KIF6: variants seen among roughly 807,000 people sequenced by gnomAD.
KIF6 encodes the protein kinesin-like protein KIF6.
A neutral mutation model predicts 112.7 loss-of-function variants in KIF6; 106 were observed. That is an observed-to-expected ratio of 0.94 (90% CI 0.80 to 1.11). KIF6 has a LOEUF of 1.11. Among genes scored for constraint, KIF6 ranks in the 50% least tolerant of loss-of-function variants. The pLI, the probability that KIF6 is intolerant of heterozygous loss-of-function variation, is 0.00. For synonymous variants in KIF6, 339 were observed against 339.9 expected, an observed-to-expected ratio of 1.00 and a Z score of 0.03; for missense variants, 929 against 964.0, an observed-to-expected ratio of 0.96 and a Z score of 0.48.
intron 3 of KIF6, 26 bp from the exon 4 acceptor site, chr6:39,639,783 C>T (rs1333103587): frequency 6.3e-7 from 1 of 1,598,182 alleles, no homozygotes; most frequent in Non-Finnish European, 8.5e-7. Flanking sequence ...GACACACTTT[C>T]AATATCAACA....
intron 3 of KIF6, among the ~76,000 whole-genome samples, chr6:39,641,033 A>G (rs1784872457): frequency 6.6e-6 from 1 of 152,114 alleles, no homozygotes; most frequent in South Asian, 2.1e-4. Context: ...TATACTGTTG[A>G]AATTCTCAAT....
At chr6:39,344,643 A>C (rs1763572298) in intron 21 of KIF6, among the ~76,000 whole-genome samples, 1 of 150,160 alleles carries the variant, frequency 6.7e-6, no homozygotes, top group African/African-American at 2.5e-5. Context: ...TACCACCACC[A>C]CTCTTGTCCT....
At chr6:39,417,510 A>G (rs1392482304) in intron 15 of KIF6, among the ~76,000 whole-genome samples, 1 of 152,178 alleles carries the variant, frequency 6.6e-6, no homozygotes, top group Non-Finnish European at 1.5e-5. Flanking sequence ...ATCTTCTCCT[A>G]GCATATCTGG....
intron 15 of KIF6, among the ~76,000 whole-genome samples, chr6:39,399,715 T>C (rs1187752408): frequency 6.6e-6 from 1 of 152,232 alleles, no homozygotes; most frequent in Admixed American, 6.5e-5. Flanking sequence ...CCTGAGGGTG[T>C]GTGGAAGCCT....
intron 14 of KIF6, among the ~76,000 whole-genome samples, chr6:39,426,323 C>T (rs1395360668): frequency 6.6e-6 from 1 of 152,208 alleles, no homozygotes; most frequent in African/African-American, 2.4e-5. Flanking sequence ...ATTCATGTGC[C>T]AACATCTTAT....
intron 17 of KIF6, among the ~76,000 whole-genome samples, chr6:39,361,183 G>T (rs1471222890): frequency 6.6e-6 from 1 of 152,206 alleles, no homozygotes; most frequent in Non-Finnish European, 1.5e-5. Context: ...AGGCCGAAGA[G>T]ATAAGTTGGC....
At chr6:39,518,980 A>G (rs980923992) in intron 13 of KIF6, among the ~76,000 whole-genome samples, 1 of 152,212 alleles carries the variant, frequency 6.6e-6, no homozygotes, top group Admixed American at 6.5e-5. Context: ...AGGGTGAAAC[A>G]TTAATATCTC....
intron 13 of KIF6, among the ~76,000 whole-genome samples, chr6:39,432,227 G>A (rs528306575): frequency 1.1e-4 from 17 of 152,308 alleles, no homozygotes; most frequent in South Asian, 6.2e-4. Flanking sequence ...GAATCCTTGT[G>A]TCTTGTTCAA....
intron 13 of KIF6, among the ~76,000 whole-genome samples, chr6:39,524,701 C>T (rs994111866): frequency 1.3e-5 from 2 of 152,208 alleles, no homozygotes; most frequent in African/African-American, 2.4e-5. Context: ...AGCTCCAGAG[C>T]CCCTTGTTAG....
intron 13 of KIF6, among the ~76,000 whole-genome samples, chr6:39,442,946 T>C (rs1772015353): frequency 6.6e-6 from 1 of 151,734 alleles, no homozygotes; most frequent in South Asian, 2.1e-4. Flanking sequence ...ACCTCGTCTC[T>C]ACTAAAAATA....
At position 39,343,282 on chromosome 6, in the gene KIF6, G is replaced by C. The variant is rs1763445434; in HGVS notation, c.2428+427C>G. On this transcript the variant is annotated intron_variant, in intron 22 of 22. Coordinates refer to ENST00000287152, the MANE Select transcript of KIF6 (RefSeq NM_145027.6). The surrounding 1 kb of genome is among the most constrained non-coding windows in gnomAD (Gnocchi z 4.1). ...CCTTCAAGCAGTGTTTACACTCACA[G>C]CTCTTTGGCAAGAACCACACTCTGA... is the stretch of plus-strand genomic sequence containing the variant. 1 of 1,290,260 alleles carries C rather than the reference G, an allele frequency of 7.8e-7. No individual in the cohort carries two copies. The highest frequency in any genetic ancestry group is 1.5e-5 in the African/African-American group (1 of 66,022). The allele number at this position is 1,290,260 out of a possible 1,614,324, so 79.9% of individuals were successfully genotyped here.
intron 22 of KIF6, among the ~76,000 whole-genome samples, chr6:39,339,489 G>T (rs1763205550): frequency 6.6e-6 from 1 of 152,044 alleles, no homozygotes; most frequent in Non-Finnish European, 1.5e-5. Flanking sequence ...TTCTCTGAGT[G>T]GGGCTGGAGG....
chr6:39,556,070 G>C (rs1228536140), intron 10 of KIF6, among the ~76,000 whole-genome samples: 1 of 151,966 alleles, frequency 6.6e-6, no homozygotes, highest in African/African-American at 2.4e-5. Context: ...GCCCAAGTGA[G>C]TAAAGATCAT....
chr6:39,505,070 A>G (rs9380871), intron 13 of KIF6, among the ~76,000 whole-genome samples: 6,816 of 152,212 alleles, frequency 0.045, 285 homozygotes, highest in East Asian at 0.25. Context: ...GAACAAAGCT[A>G]GAGGCATCAT....
chr6:39,548,090 T>C (rs1456043012), intron 10 of KIF6, among the ~76,000 whole-genome samples: 2 of 152,268 alleles, frequency 1.3e-5, no homozygotes, highest in Non-Finnish European at 2.9e-5. Flanking sequence ...ATAAAATTTC[T>C]AGCAGACAAT....
At chr6:39,433,949 C>T (rs950212670) in intron 13 of KIF6, among the ~76,000 whole-genome samples, 1 of 152,174 alleles carries the variant, frequency 6.6e-6, no homozygotes, top group Non-Finnish European at 1.5e-5. Context: ...ATTTTGGGAT[C>T]AGCTGCAAAG....
At chr6:39,603,926 C>T (rs894757624) in intron 6 of KIF6, among the ~76,000 whole-genome samples, 1 of 151,956 alleles carries the variant, frequency 6.6e-6, no homozygotes, top group East Asian at 1.9e-4. Context: ...TAAAATATCT[C>T]GACAGGAATT....
chr6:39,678,182 G>C (rs1787288931), intron 3 of KIF6, among the ~76,000 whole-genome samples: 1 of 151,640 alleles, frequency 6.6e-6, no homozygotes, highest in South Asian at 2.1e-4. Context: ...GGAGAAATAG[G>C]AACACTTTTA....
At chr6:39,339,051 G>A (rs1426734025) in intron 22 of KIF6, among the ~76,000 whole-genome samples, 1 of 152,106 alleles carries the variant, frequency 6.6e-6, no homozygotes, top group African/African-American at 2.4e-5. Flanking sequence ...AACACAAAAG[G>A]CACCATTTCA....
Sources: allele counts gnomAD v4.1 joint callset (sites outside exome capture counted in the v4.1 genomes callset), GRCh38; gene constraint gnomAD v4.1.1; non-coding constraint Gnocchi (gnomAD v3.1); transcripts MANE v1.5; gene names NCBI Gene and HGNC (gene_info 2026-07-23, HGNC 2026-07-21).